ARHGAP39: variants seen among roughly 807,000 people sequenced by gnomAD.
ARHGAP39 encodes Rho GTPase activating protein 39.
Under a neutral mutation model 106.9 loss-of-function variants are expected in ARHGAP39, and 44 were observed. The observed-to-expected ratio is 0.41, with a 90% CI of 0.32 to 0.53. The LOEUF is 0.53. Among genes scored for constraint, ARHGAP39 ranks in the 20% least tolerant of loss-of-function variants. The pLI is 0.21. For missense variants in ARHGAP39, 1,496 were observed against 1,577.3 expected, an observed-to-expected ratio of 0.95 and a Z score of 0.87; for synonymous variants, 768 against 693.2, an observed-to-expected ratio of 1.11 and a Z score of -1.69.
chr8:144,673,250 A>T (rs1017494849), intron 1 of ARHGAP39, among the ~76,000 whole-genome samples: 5 of 151,734 alleles, frequency 3.3e-5, no homozygotes, highest in Non-Finnish European at 7.4e-5. Context: ...AAAGAAACTG[A>T]TCAGGGACTC....
rs1007535815 is a variant in ARHGAP39 at position 144,679,664 on chromosome 8, C to G, written c.-82+6022G>C. On this transcript the variant is annotated intron_variant, in intron 1 of 11. Transcript: ENST00000377307. The surrounding 1 kb of genome is among the most constrained non-coding windows in gnomAD (Gnocchi z 4.7). ...CATCCCCTGCTCACAAAGCTGCCTG[C>G]GGTGGCTCCCGGTTAGCTAGAAAAT... 6.6e-6 allele frequency among the ~76,000 whole-genome samples: 1 copy of G among 152,314 alleles called. No individual in the cohort carries two copies. The highest frequency in any genetic ancestry group is 2.1e-4 in the South Asian group (1 of 4,822).
chr8:144,650,463 T>A (rs938453179), intron 1 of ARHGAP39, among the ~76,000 whole-genome samples: 3 of 152,066 alleles, frequency 2.0e-5, no homozygotes, highest in Non-Finnish European at 4.4e-5. Flanking sequence ...AATATATATA[T>A]TCAGGCCAAC....
intron 3 of ARHGAP39, among the ~76,000 whole-genome samples, chr8:144,570,394 C>A (rs1163817859): frequency 6.6e-6 from 1 of 152,100 alleles, no homozygotes; most frequent in African/African-American, 2.4e-5. Context: ...AACAGCTATA[C>A]ATCATTTACA....
At chr8:144,694,830 A>G in the ARHGAP39 span, among the ~76,000 whole-genome samples, 7,640 of 152,174 alleles carry the variant, frequency 0.05, 663 homozygotes, top group East Asian at 0.37. Flanking sequence ...TTCTCCTTCC[A>G]TAAGGAGGGA....
chr8:144,694,758 A>G, the ARHGAP39 span, among the ~76,000 whole-genome samples: 1 of 152,180 alleles, frequency 6.6e-6, no homozygotes, highest in Admixed American at 6.5e-5. Flanking sequence ...ATAACATTTC[A>G]GGCTGCTGAA....
chr8:144,688,983 T>C (rs1407701627), upstream of ARHGAP39, among the ~76,000 whole-genome samples: 1 of 152,178 alleles, frequency 6.6e-6, no homozygotes, highest in South Asian at 2.1e-4. Flanking sequence ...TAAGGTCTGC[T>C]CCTGAGCCGG....
chr8:144,606,027 G>A (rs1270003515), intron 1 of ARHGAP39, among the ~76,000 whole-genome samples: 1 of 152,224 alleles, frequency 6.6e-6, no homozygotes, highest in African/African-American at 2.4e-5. Context: ...CGTAGGACTG[G>A]AGGACTGGGA....
chr8:144,550,188 C>T (rs1162859401), intron 4 of ARHGAP39, among the ~76,000 whole-genome samples: 1 of 152,120 alleles, frequency 6.6e-6, no homozygotes, highest in African/African-American at 2.4e-5. Flanking sequence ...GTGGGAGGAT[C>T]GCTTAAGCTC....
rs547260816 is a variant in ARHGAP39 at position 144,645,463 on chromosome 8, T to G, written c.-81-39768A>C. 6.6e-6 allele frequency among the ~76,000 whole-genome samples: 1 copy of G among 151,652 alleles called. No homozygotes were observed. Among genetic ancestry groups the G allele is most frequent in the South Asian group, 2.1e-4 (1 of 4,728 alleles). On this transcript the variant is annotated intron_variant, in intron 1 of 11. Transcript: ENST00000377307. This position sits in a 1 kb window ranked among gnomAD's most constrained non-coding sequence, Gnocchi z 4.4. ...AGGGCAGAGCCTCCCCGCCTCACTC[T>G]GGTCTCTCCCGGCAGAGTCACTGAT...
chr8:144,627,022 C>T (rs887375229), intron 1 of ARHGAP39, among the ~76,000 whole-genome samples: 28 of 152,216 alleles, frequency 1.8e-4, no homozygotes, highest in Non-Finnish European at 3.8e-4. Context: ...GCAAAAACAC[C>T]AGGGAGCAGA....
chr8:144,633,860 A>C (rs1193169335), intron 1 of ARHGAP39, among the ~76,000 whole-genome samples: 2 of 152,234 alleles, frequency 1.3e-5, no homozygotes, highest in Non-Finnish European at 2.9e-5. Flanking sequence ...TTGAGTCTTA[A>C]ATTTAATCCA....
In ARHGAP39 at chr8:144,585,088, C is replaced by T. The variant is rs920356516; in HGVS notation, c.81-3811G>A. Among the ~76,000 whole-genome samples, 3 of 152,172 alleles carry T rather than the reference C, an allele frequency of 2.0e-5. No individual in the cohort carries two copies. Among genetic ancestry groups the T allele is most frequent in the Non-Finnish European group, 2.9e-5 (2 of 68,028 alleles). On this transcript the variant is annotated intron_variant, in intron 2 of 11. Coordinates refer to ENST00000377307, the MANE Select transcript of ARHGAP39 (RefSeq NM_025251.3). This position sits in a 1 kb window ranked among gnomAD's most constrained non-coding sequence, Gnocchi z 4.6. ...CAGAGCCAAGGTGTCTCCCTCCACTCGTCCAGGTGTCTGAAGGGCTTAGAC... is the reference window on the plus strand; with the variant it reads ...CAGAGCCAAGGTGTCTCCCTCCACTTGTCCAGGTGTCTGAAGGGCTTAGAC...
chr8:144,675,924 G>A (rs1025268615), intron 1 of ARHGAP39, among the ~76,000 whole-genome samples: 4 of 151,988 alleles, frequency 2.6e-5, no homozygotes, highest in African/African-American at 7.3e-5. Flanking sequence ...GAGTGTTACG[G>A]TTCATGAAGA....
At chr8:144,535,122 A>AG (rs34600649) in intron 7 of ARHGAP39, among the ~76,000 whole-genome samples, 2 of 152,094 alleles carry the variant, frequency 1.3e-5, no homozygotes, top group Admixed American at 6.5e-5. Context: ...TGCCAGGGTG[A>AG]GGGGGGCCTC....
intron 7 of ARHGAP39, among the ~76,000 whole-genome samples, chr8:144,537,210 G>A (rs112855586): frequency 0.027 from 4,175 of 152,048 alleles, 189 homozygotes; most frequent in African/African-American, 0.096. Flanking sequence ...GGAGGGTGGG[G>A]AAGCCCTCCC....
At chr8:144,552,964 C>T (rs1287358615) in intron 4 of ARHGAP39, among the ~76,000 whole-genome samples, 3 of 152,198 alleles carry the variant, frequency 2.0e-5, no homozygotes, top group African/African-American at 4.8e-5. Flanking sequence ...CCAAGGCCTT[C>T]CGAGCCCAGC....
At chr8:144,672,213 T>C (rs1392422218) in intron 1 of ARHGAP39, among the ~76,000 whole-genome samples, 3 of 152,208 alleles carry the variant, frequency 2.0e-5, no homozygotes, top group African/African-American at 7.2e-5. Flanking sequence ...CAGCCACACA[T>C]GCAGCAGGCA....
At chr8:144,633,476 A>T (rs1821113335) in intron 1 of ARHGAP39, among the ~76,000 whole-genome samples, 2 of 152,194 alleles carry the variant, frequency 1.3e-5, no homozygotes, top group South Asian at 4.1e-4. Context: ...GAAGAAAAAG[A>T]AAAGAAAAGA....
intron 1 of ARHGAP39, among the ~76,000 whole-genome samples, chr8:144,617,450 G>C (rs1363489570): frequency 6.9e-6 from 1 of 145,696 alleles, no homozygotes; most frequent in Non-Finnish European, 1.6e-5. Context: ...TGAGCACCCA[G>C]CGCCGCAAAC....
Sources: gnomAD v4.1 joint callset for allele counts (sites outside exome capture counted in the v4.1 genomes callset) on GRCh38, gnomAD v4.1.1 for gene constraint, Gnocchi (gnomAD v3.1) non-coding constraint, MANE v1.5 for transcripts, NCBI Gene and HGNC (gene_info 2026-07-23, HGNC 2026-07-21) for gene names.